GPR83: variants seen among roughly 807,000 people sequenced by gnomAD.
GPR83 encodes G protein-coupled receptor 83.
Under a neutral mutation model 28.0 loss-of-function variants are expected in GPR83, and 23 were observed. The observed-to-expected ratio is 0.82, with a 90% confidence interval of 0.59 to 1.16. GPR83 has a LOEUF of 1.16. Among genes scored for constraint, GPR83 ranks in the 50% most tolerant of loss-of-function variants. The probability of loss-of-function intolerance (pLI) is 0.00; values close to 1 mark genes in which losing one functional copy is unlikely to be tolerated. For missense variants in GPR83, 610 were observed against 536.6 expected (o/e 1.14, Z -1.35); for synonymous variants, 234 against 215.4 (o/e 1.09, Z -0.76).
intron 3 of GPR83, among the ~76,000 whole-genome samples, chr11:94,387,177 A>C (rs901550133): frequency 3.3e-5 from 5 of 152,374 alleles, no homozygotes; most frequent in African/African-American, 9.6e-5. Context: ...CATTTAAAAC[A>C]GTGTGTAGGG....
At chr11:94,390,977 A>T (rs1178908790) in intron 3 of GPR83, among the ~76,000 whole-genome samples, 3 of 152,230 alleles carry the variant, frequency 2.0e-5, no homozygotes. Flanking sequence ...AAACTACTTT[A>T]AAATTCGTAT....
At chr11:94,398,957 G>A (rs565888314) in intron 1 of GPR83, among the ~76,000 whole-genome samples, 6 of 152,294 alleles carry the variant, frequency 3.9e-5, no homozygotes, top group African/African-American at 1.4e-4. Flanking sequence ...GAGGACCTTG[G>A]CATCCTGTCT....
Position 94,401,374 on chromosome 11 carries a change from G to A in GPR83, c.-127C>T. The A allele has an allele frequency of 1.1e-6, 1 of 899,700 alleles. No homozygotes were observed. The highest frequency in any genetic ancestry group is 1.6e-6 in the Non-Finnish European group (1 of 642,084). The allele number at this position is 899,700 out of a possible 1,614,324, so 55.7% of individuals were successfully genotyped here. On this transcript the variant is annotated 5_prime_UTR_variant, in exon 1 of 4. Coordinates refer to ENST00000243673, the MANE Select transcript of GPR83 (RefSeq NM_016540.4). ...CCGTCCCGAGGAGCCAGGGAGCCCG[G>A]ACGCGCGGAGCACCGCGCCGCCCGC...
rs188827051 is a variant in GPR83, at chr11:94,389,805, C to T, written c.647+3680G>A. Among the ~76,000 whole-genome samples the T allele has an allele frequency of 2.7e-3, 409 of 152,278 alleles. 2 individuals are homozygous for T. Among genetic ancestry groups the T allele is most frequent in the African/African-American group, 8.6e-3 (356 of 41,560 alleles). On this transcript the variant is annotated intron_variant, in intron 3 of 3. Coordinates refer to ENST00000243673, the MANE Select transcript of GPR83 (RefSeq NM_016540.4). ...GAACTAGAAATACCATTTGACCCAG[C>T]CATCCCATTACTGGGTATATACCCG...
chr11:94,393,063 A>G (rs767820805), intron 3 of GPR83, among the ~76,000 whole-genome samples: 15 of 152,200 alleles, frequency 9.9e-5, no homozygotes, highest in Non-Finnish European at 1.5e-4. Flanking sequence ...ATAAACATAC[A>G]TGGTAGGTGG....
chr11:94,385,821 A>T lies in GPR83; in HGVS notation c.648-5048T>A, dbSNP rs1379941080. 2.0e-5 allele frequency among the ~76,000 whole-genome samples: 3 copies of T among 152,356 alleles called. No individual in the cohort carries two copies. In the South Asian group the frequency reaches 6.2e-4, roughly 32 times the overall value. ...TTCCCCAATCTAGCAAGGCAGGCCA[A>T]CATTCAAATTCAGGAAATACAGAGA... On this transcript the variant is annotated intron_variant, in intron 3 of 3. Coordinates refer to ENST00000243673, the MANE Select transcript of GPR83 (RefSeq NM_016540.4).
At chr11:94,387,555 T>C (rs946215348) in intron 3 of GPR83, among the ~76,000 whole-genome samples, 1 of 152,124 alleles carries the variant, frequency 6.6e-6, no homozygotes, top group African/African-American at 2.4e-5. Context: ...AACACCTCTA[T>C]GCAAATAAAC....
At chr11:94,385,639 G>A (rs1316279396) in intron 3 of GPR83, among the ~76,000 whole-genome samples, 1 of 152,178 alleles carries the variant, frequency 6.6e-6, no homozygotes, top group African/African-American at 2.4e-5. Context: ...GAGAAGAGAA[G>A]TTTAGAGAAA....
chr11:94,377,360 T>C lies in GPR83; in HGVS notation c.*2789A>G, dbSNP rs780565293. 10 of 152,278 alleles carry C rather than the reference T, an allele frequency of 6.6e-5. No individual in the cohort carries two copies. The highest frequency in any genetic ancestry group is 1.9e-4 in the East Asian group (1 of 5,188). 9.4% of individuals were successfully genotyped at this position (152,278 alleles called of 1,614,324 possible). On this transcript the variant is annotated 3_prime_UTR_variant, in exon 4 of 4. Transcript: ENST00000243673. ...TTTTATTGAGATGAGCAATTTACAA[T>C]AAAACACTTTACAGCACATTGGAAA...
intron 1 of GPR83, among the ~76,000 whole-genome samples, chr11:94,399,496 G>A (rs958968493): frequency 6.6e-6 from 1 of 152,194 alleles, no homozygotes; most frequent in African/African-American, 2.4e-5. Flanking sequence ...CTTTGGACAA[G>A]GGATTGAACC....
rs139287789 is a variant in GPR83 at position 94,380,639 on chromosome 11, C to T, written c.782G>A (p.Arg261His). Residue 261 changes from arginine to histidine, a missense_variant, in exon 4 of 4, where the codon CGT becomes CAT. Coordinates refer to ENST00000243673, the MANE Select transcript of GPR83 (RefSeq NM_016540.4). ...ACACAGCCACAGTTTCTTGGCCACA[C>T]GAGCGTAGGCCACAGAGATGATGAG... is the stretch of plus-strand genomic sequence containing the variant. ...PLLIISVAYA[R>H]VAKKLWLCNM... 7.3e-5 allele frequency: 118 copies of T among 1,613,868 alleles called. 1 individual carries two copies. Among genetic ancestry groups the T allele is most frequent in the Middle Eastern group, 5.0e-4 (3 of 6,040 alleles).
intron 3 of GPR83, among the ~76,000 whole-genome samples, chr11:94,388,345 A>C (rs1228176890): frequency 6.6e-6 from 1 of 152,222 alleles, no homozygotes; most frequent in Non-Finnish European, 1.5e-5. Flanking sequence ...GGAGAAGGAA[A>C]TAAAGGGTAT....
intron 3 of GPR83, among the ~76,000 whole-genome samples, chr11:94,390,181 G>A (rs1374385375): frequency 1.3e-5 from 2 of 151,802 alleles, no homozygotes; most frequent in South Asian, 2.1e-4. Context: ...GGGGTGGGGG[G>A]AGGTGGGAGG....
chr11:94,380,236 G>C lies in GPR83; in HGVS notation c.1185C>G (p.Pro395=). The change falls in exon 4 of 4, where the codon CCC becomes CCG. Residue 395 remains proline (P), a synonymous_variant. Coordinates refer to ENST00000243673, the MANE Select transcript of GPR83 (RefSeq NM_016540.4). ...WTEKNDGQRA[P]LANNLLPTSQ... ...AGGTGGGCAGGAGGTTATTGGCAAG[G>C]GGAGCCCTCTGGCCATCATTCTTCT... 6.5e-7 allele frequency: 1 copy of C among 1,528,308 alleles called. No individual in the cohort carries two copies. The highest frequency in any genetic ancestry group is 8.8e-7 in the Non-Finnish European group (1 of 1,140,008). 94.7% of individuals were successfully genotyped at this position (1,528,308 alleles called of 1,614,324 possible).
chr11:94,395,849 T>A, intron 2 of GPR83, among the ~76,000 whole-genome samples: 1 of 152,236 alleles, frequency 6.6e-6, no homozygotes, highest in South Asian at 2.1e-4. Context: ...CTGCAATTAC[T>A]CCTCTCTCCT....
chr11:94,389,809 C>A (rs1297931335), intron 3 of GPR83, among the ~76,000 whole-genome samples: 1 of 152,170 alleles, frequency 6.6e-6, no homozygotes, highest in Non-Finnish European at 1.5e-5. Flanking sequence ...ACCCAGCCAT[C>A]CCATTACTGG....
chr11:94,388,725 T>G (rs1944784112), intron 3 of GPR83, among the ~76,000 whole-genome samples: 1 of 152,186 alleles, frequency 6.6e-6, no homozygotes, highest in African/African-American at 2.4e-5. Context: ...GAAGAATCAG[T>G]ATTGTGAAAA....
Position 94,400,431 on chromosome 11 carries a change from GGGAGA to G in GPR83, c.387+425_387+429del, listed in dbSNP as rs35556766. Among the ~76,000 whole-genome samples the G allele has an allele frequency of 5.8e-3, 850 of 145,866 alleles. 6 individuals carry two copies. Among genetic ancestry groups the G allele is most frequent in the African/African-American group, 0.015 (543 of 35,736 alleles). On this transcript the variant is annotated intron_variant, in intron 1 of 3. Transcript: ENST00000243673. The stretch of plus-strand genomic sequence containing the variant: ...GGGAGAGAGGAAGAGAGGAGAGGTG[GGGAGA>G]GGAGAGGAGAGGAGAGAGAATAGAA...
intron 1 of GPR83, among the ~76,000 whole-genome samples, chr11:94,398,310 G>A (rs560265967): frequency 4.7e-4 from 72 of 152,150 alleles, no homozygotes; most frequent in African/African-American, 1.5e-3. Flanking sequence ...ACCTGGCCCC[G>A]CCTTTCCTTC....
Sources: allele counts gnomAD v4.1 joint callset (sites outside exome capture counted in the v4.1 genomes callset), GRCh38; gene constraint gnomAD v4.1.1; transcripts MANE v1.5; gene names NCBI Gene and HGNC (gene_info 2026-07-23, HGNC 2026-07-21).